The following RTTN variants were observed in gnomAD, a reference collection of about 807,000 sequenced individuals.
RTTN encodes the protein rotatin.
RTTN carries 182 observed loss-of-function variants against 269.2 expected under a neutral mutation model. That is an observed-to-expected ratio of 0.68 (90% confidence interval 0.60 to 0.76). The LOEUF is 0.76. Ranked by LOEUF, RTTN falls within the 30% of genes least tolerant of loss-of-function variation. RTTN has a pLI of 0.00. For synonymous variants in RTTN, 1,006 were observed against 963.5 expected (o/e 1.04, Z -0.82); for missense variants, 2,545 against 2,608.6 (o/e 0.98, Z 0.53).
At chr18:70,020,958 G>A (rs2056687247) in intron 44 of RTTN, 141 bp from the exon 45 acceptor site, 1 of 641,026 alleles carries the variant, frequency 1.6e-6, no homozygotes, top group Non-Finnish European at 2.7e-6. Context: ...GGAGGCTAAT[G>A]TTGGTGTCTA....
At chr18:70,138,025 T>A (rs542062517) in intron 21 of RTTN, among the ~76,000 whole-genome samples, 13 of 152,316 alleles carry the variant, frequency 8.5e-5, no homozygotes, top group Non-Finnish European at 1.9e-4. Flanking sequence ...ACGACTGTAA[T>A]CCCAGCACTT....
chr18:70,200,551 T>C (rs1194621452), intron 4 of RTTN, among the ~76,000 whole-genome samples: 1 of 152,196 alleles, frequency 6.6e-6, no homozygotes, highest in African/African-American at 2.4e-5. Flanking sequence ...GCTACAAGCC[T>C]AACAATGAAT....
intron 44 of RTTN, chr18:70,021,127 G>C (rs1462209838): frequency 4.5e-6 from 1 of 222,170 alleles, no homozygotes; most frequent in Non-Finnish European, 8.7e-6. Flanking sequence ...CTGTGTAAAG[G>C]AACAGAATTT....
chr18:70,117,239 A>G (rs1395775864), intron 26 of RTTN, among the ~76,000 whole-genome samples: 2 of 152,088 alleles, frequency 1.3e-5, no homozygotes, highest in Non-Finnish European at 2.9e-5. Context: ...ATGTATGTCC[A>G]TACATTCAAA....
At chr18:70,163,399 G>T (rs1421422717) in intron 14 of RTTN, among the ~76,000 whole-genome samples, 1 of 151,350 alleles carries the variant, frequency 6.6e-6, no homozygotes, top group Non-Finnish European at 1.5e-5. Context: ...AAAAAATCCA[G>T]ATAAAAAGTA....
Position 70,199,413 on chromosome 18 carries a change from C to A in RTTN, c.578+1G>T. The A allele has an allele frequency of 6.3e-7, 1 of 1,598,236 alleles. No homozygotes were observed. The highest frequency in any genetic ancestry group is 8.6e-7 in the Non-Finnish European group (1 of 1,165,920). On this transcript the variant is annotated splice_donor_variant, in intron 5 of 48. Transcript: ENST00000640769. LOFTEE classifies it high-confidence loss of function. ...ACCTGAAAATACATCAAGCACCGTA[C>A]CTTTCATTAGAGGAGAGGACATGTC...
intron 42 of RTTN, among the ~76,000 whole-genome samples, chr18:70,029,265 C>G (rs930025428): frequency 6.6e-6 from 1 of 151,376 alleles, no homozygotes. Flanking sequence ...GCAGTAGAAA[C>G]TAGTTATTAC....
intron 31 of RTTN, 143 bp from the exon 32 acceptor site, chr18:70,086,827 G>C: frequency 2.7e-6 from 2 of 740,092 alleles, no homozygotes; most frequent in Non-Finnish European, 4.4e-6. Flanking sequence ...CATGCTGAGA[G>C]GTCATTATGA....
intron 32 of RTTN, among the ~76,000 whole-genome samples, chr18:70,077,863 A>G (rs1264871249): frequency 6.6e-6 from 1 of 151,892 alleles, no homozygotes; most frequent in Admixed American, 6.6e-5. Context: ...AAAAAATTTA[A>G]TATCATAGAA....
chr18:70,172,515 C>T (rs1262677886), intron 11 of RTTN, among the ~76,000 whole-genome samples: 2 of 152,036 alleles, frequency 1.3e-5, no homozygotes, highest in Non-Finnish European at 2.9e-5. Flanking sequence ...TTTTAAAGTA[C>T]TTAGTCAATT....
At chr18:70,123,966 A>G (rs1398802202) in intron 25 of RTTN, among the ~76,000 whole-genome samples, 1 of 151,930 alleles carries the variant, frequency 6.6e-6, no homozygotes, top group African/African-American at 2.4e-5. Flanking sequence ...CCACACCCAT[A>G]TAAGGTATCA....
intron 14 of RTTN, among the ~76,000 whole-genome samples, chr18:70,152,956 G>A (rs150890186): frequency 4.3e-4 from 65 of 152,220 alleles, no homozygotes; most frequent in African/African-American, 1.5e-3. Context: ...TTGGCACCCT[G>A]CCTACTTTTC....
At chr18:70,149,128 A>C (rs920106607) in intron 16 of RTTN, 91 bp from the exon 17 acceptor site, 2 of 1,081,716 alleles carry the variant, frequency 1.8e-6, no homozygotes, top group Non-Finnish European at 2.7e-6. Context: ...CCTATCAGCA[A>C]CTCATAAATG....
rs574751762 is a variant in RTTN at position 70,172,658 on chromosome 18, T to A, written c.1477-3591A>T. On this transcript the variant is annotated intron_variant, in intron 11 of 48. Transcript: ENST00000640769. ...CAAAAATTAGATAATTGATTTGTTT[T>A]TAAAAACGGAAACAATAAAACAATA... is the stretch of plus-strand genomic sequence containing the variant. Among the ~76,000 whole-genome samples the A allele has an allele frequency of 5.3e-5, 8 of 152,230 alleles. No individual in the cohort carries two copies. In the East Asian group the frequency reaches 1.5e-3, roughly 29 times the overall value.
chr18:70,160,884 A>T (rs1239078926), intron 14 of RTTN, among the ~76,000 whole-genome samples: 1 of 152,188 alleles, frequency 6.6e-6, no homozygotes, highest in African/African-American at 2.4e-5. Context: ...CTGCTTATGA[A>T]TAGGAAGAAT....
At chr18:70,108,111 T>C (rs993447432) in intron 28 of RTTN, among the ~76,000 whole-genome samples, 6 of 152,086 alleles carry the variant, frequency 3.9e-5, no homozygotes, top group African/African-American at 1.4e-4. Context: ...ACCCTGTCTC[T>C]ACTAAAAAGA....
chr18:70,199,343 T>A (rs1396160855), intron 5 of RTTN, 71 bp downstream of exon 5: 1 of 980,162 alleles, frequency 1.0e-6, no homozygotes, highest in East Asian at 2.5e-5. Context: ...TGGTAAAACA[T>A]ATTGTAATAA....
In RTTN at chr18:70,054,114, A is replaced by G. The variant is rs750612527; in HGVS notation, c.5185+17T>C. The G allele has an allele frequency of 4.4e-6, 7 of 1,598,406 alleles. No homozygotes were observed. In the East Asian group the frequency reaches 1.3e-4, roughly 31 times the overall value. On this transcript the variant is annotated intron_variant, in intron 38 of 48. Coordinates refer to ENST00000640769, the MANE Select transcript of RTTN (RefSeq NM_173630.4). The stretch of plus-strand genomic sequence containing the variant: ...GTATTATTCACTTACATTCTAAACT[A>G]AAACAATTAAGCTTACCTAATACAT...
chr18:70,051,193 G>A (rs1473922869), intron 39 of RTTN, among the ~76,000 whole-genome samples: 1 of 152,064 alleles, frequency 6.6e-6, no homozygotes, highest in African/African-American at 2.4e-5. Flanking sequence ...TTCCTAACTC[G>A]CTTTTATGTT....
Sources: gnomAD v4.1 joint callset for allele counts (sites outside exome capture counted in the v4.1 genomes callset) on GRCh38, gnomAD v4.1.1 for gene constraint, MANE v1.5 for transcripts, NCBI Gene and HGNC (gene_info 2026-07-23, HGNC 2026-07-21) for gene names.